LARGE1: variants seen among roughly 807,000 people sequenced by gnomAD.
LARGE1 encodes xylosyl- and glucuronyltransferase LARGE1.
A neutral mutation model predicts 87.6 loss-of-function variants in LARGE1; 43 were observed. That is an observed-to-expected ratio of 0.49 (90% CI 0.38 to 0.63). LARGE1 has a LOEUF of 0.63. Ranked by LOEUF, LARGE1 falls within the 30% of genes least tolerant of loss-of-function variation. The pLI is 0.00. For missense variants in LARGE1, 802 were observed against 1,000.2 expected (o/e 0.80, Z 2.67); for synonymous variants, 434 against 394.6 (o/e 1.10, Z -1.18).
intron 1 of LARGE1, among the ~76,000 whole-genome samples, chr22:33,880,777 C>G (rs138439677): frequency 6.6e-6 from 1 of 152,116 alleles, no homozygotes; most frequent in East Asian, 1.9e-4. Flanking sequence ...CCCTCTGCTC[C>G]TCTTACTTTT....
At chr22:33,909,760 G>A (rs182813926) in intron 1 of LARGE1, among the ~76,000 whole-genome samples, 31 of 151,810 alleles carry the variant, frequency 2.0e-4, no homozygotes, top group Admixed American at 1.2e-3. Flanking sequence ...AGATGGTCTC[G>A]ATCTCCTGAC....
At chr22:33,074,631 C>T in the LARGE1 span, among the ~76,000 whole-genome samples, 1 of 152,158 alleles carries the variant, frequency 6.6e-6, no homozygotes, top group East Asian at 1.9e-4. Context: ...GCCGAGATCA[C>T]ACCACTGCAC....
intron 4 of LARGE1, among the ~76,000 whole-genome samples, chr22:33,624,008 C>T (rs530155499): frequency 2.6e-5 from 4 of 151,662 alleles, no homozygotes; most frequent in South Asian, 2.1e-4. Flanking sequence ...CCAGCCTTGG[C>T]GACAAGAGCA....
At chr22:33,879,985 G>A (rs914201918) in intron 1 of LARGE1, among the ~76,000 whole-genome samples, 4 of 152,150 alleles carry the variant, frequency 2.6e-5, no homozygotes, top group Non-Finnish European at 4.4e-5. Flanking sequence ...TCTGAATTCT[G>A]ATGTTCTTCC....
intron 2 of LARGE1, among the ~76,000 whole-genome samples, chr22:33,759,630 T>G (rs1265033425): frequency 6.6e-6 from 1 of 152,184 alleles, no homozygotes; most frequent in African/African-American, 2.4e-5. Context: ...AGAATCACAG[T>G]GTCTGTCATC....
At chr22:33,704,236 C>T (rs1462180360) in intron 2 of LARGE1, among the ~76,000 whole-genome samples, 1 of 152,088 alleles carries the variant, frequency 6.6e-6, no homozygotes, top group African/African-American at 2.4e-5. Flanking sequence ...CCTCCAAATC[C>T]CACTCTAATG....
At chr22:33,841,706 A>G (rs1020757693) in intron 1 of LARGE1, among the ~76,000 whole-genome samples, 1 of 152,318 alleles carries the variant, frequency 6.6e-6, no homozygotes, top group Admixed American at 6.5e-5. Context: ...GCCCTGCACA[A>G]TATCATCTCC....
At chr22:33,654,117 C>T (rs1385914041) in intron 2 of LARGE1, among the ~76,000 whole-genome samples, 2 of 152,160 alleles carry the variant, frequency 1.3e-5, no homozygotes, top group Admixed American at 6.5e-5. Context: ...CTCTCAAAGA[C>T]GTGCGGGGGT....
the LARGE1 span, among the ~76,000 whole-genome samples, chr22:33,135,558 G>A: frequency 0.074 from 11,335 of 152,152 alleles, 467 homozygotes; most frequent in Middle Eastern, 0.14. Flanking sequence ...GTGAGAAGCC[G>A]ACCGGACACA....
intron 2 of LARGE1, among the ~76,000 whole-genome samples, chr22:33,719,771 T>C (rs1473455795): frequency 1.3e-5 from 2 of 152,104 alleles, no homozygotes; most frequent in East Asian, 1.9e-4. Context: ...CTGCCCGCCT[T>C]GGCCTCCCAA....
chr22:33,703,355 GAA>G (rs780406393), intron 2 of LARGE1, among the ~76,000 whole-genome samples: 9,882 of 86,550 alleles, frequency 0.11, 326 homozygotes, highest in Middle Eastern at 0.22. Flanking sequence ...AGCCTAAAGT[GAA>G]AAAAAAAAAA....
chr22:33,677,983 A>T (rs2081633033), intron 2 of LARGE1, among the ~76,000 whole-genome samples: 1 of 152,230 alleles, frequency 6.6e-6, no homozygotes, highest in Non-Finnish European at 1.5e-5. Flanking sequence ...TGTGTCTAAT[A>T]TCAGGAAAAG....
At chr22:33,905,379 T>G (rs977093996) in intron 1 of LARGE1, among the ~76,000 whole-genome samples, 2 of 152,306 alleles carry the variant, frequency 1.3e-5, no homozygotes, top group African/African-American at 4.8e-5. Flanking sequence ...CCTTGAATTC[T>G]GAAATTTGAA....
chr22:33,665,577 GT>G (rs2081245097), intron 2 of LARGE1, among the ~76,000 whole-genome samples: 2 of 152,144 alleles, frequency 1.3e-5, no homozygotes, highest in Admixed American at 1.3e-4. Context: ...TCTGAAACGG[GT>G]TTATTGTCCC....
At chr22:33,916,939 TAA>T (rs2065805175) in intron 1 of LARGE1, among the ~76,000 whole-genome samples, 1 of 152,200 alleles carries the variant, frequency 6.6e-6, no homozygotes, top group African/African-American at 2.4e-5. Flanking sequence ...AATCAATCTA[TAA>T]AGTCTTAATG....
chr22:33,147,517 A>T, the LARGE1 span, among the ~76,000 whole-genome samples: 1,365 of 152,346 alleles, frequency 9.0e-3, 13 homozygotes, highest in Middle Eastern at 0.024. Flanking sequence ...TGTTTTAAAC[A>T]TTGTATTTGA....
chr22:33,495,723 G>GAAACA, intron 6 of LARGE1, among the ~76,000 whole-genome samples: 1 of 152,148 alleles, frequency 6.6e-6, no homozygotes, highest in South Asian at 2.1e-4. Flanking sequence ...TCTCAAAAAC[G>GAAACA]AAACAAAACA....
At chr22:33,389,537 A>C (rs2147187661) in intron 7 of LARGE1, among the ~76,000 whole-genome samples, 1 of 152,340 alleles carries the variant, frequency 6.6e-6, no homozygotes, top group Admixed American at 6.5e-5. Flanking sequence ...TGACTACAAC[A>C]GAATCTGTTT....
chr22:33,433,371 C>T (rs991662154), intron 6 of LARGE1, among the ~76,000 whole-genome samples: 9 of 151,874 alleles, frequency 5.9e-5, no homozygotes, highest in East Asian at 1.9e-4. Flanking sequence ...CCGGGATGGG[C>T]GGATCATGAG....
Sources: allele counts gnomAD v4.1 joint callset (sites outside exome capture counted in the v4.1 genomes callset), GRCh38; gene constraint gnomAD v4.1.1; transcripts MANE v1.5; gene names NCBI Gene and HGNC (gene_info 2026-07-23, HGNC 2026-07-21).